Variants in NSD2 observed in about 807,000 individuals in gnomAD.
NSD2 encodes histone-lysine N-methyltransferase NSD2.
A neutral mutation model predicts 139.0 loss-of-function variants in NSD2; 12 were observed. The observed-to-expected ratio is 0.09, with a 90% CI of 0.06 to 0.14. NSD2 has a LOEUF of 0.14. Ranked by LOEUF, NSD2 falls within the 10% of genes least tolerant of loss-of-function variation. NSD2 has a pLI of 1.00. For missense variants in NSD2, 1,155 were observed against 1,745.0 expected (o/e 0.66, Z 6.02); for synonymous variants, 669 against 648.7 (o/e 1.03, Z -0.48).
chr4:1,978,837 C>A lies in NSD2; in HGVS notation c.4026C>A (p.Pro1342=), dbSNP rs147624398. The A allele has an allele frequency of 3.4e-5, 55 of 1,603,550 alleles. No homozygotes were observed. The highest frequency in any genetic ancestry group is 3.8e-5 in the Non-Finnish European group (44 of 1,172,450). ...SVRSTKTEKP[P]PEPGKPKGKR... ...GAAGCACCAAGACTGAGAAGCCCCC[C>A]CCAGAGCCAGGGAAGCCGAAGGGGA... Residue 1342 remains proline, a synonymous_variant, in exon 22 of 22, where the codon CCC becomes CCA. Coordinates refer to ENST00000508803, the MANE Select transcript of NSD2 (RefSeq NM_001042424.3).
At chr4:1,910,199 G>A (rs1476993807) in intron 3 of NSD2, among the ~76,000 whole-genome samples, 2 of 151,698 alleles carry the variant, frequency 1.3e-5, no homozygotes, top group Admixed American at 1.3e-4. Flanking sequence ...ATCTACCAGG[G>A]CACCTAGGTG....
In NSD2 at chr4:1,980,485, C is replaced by G; in HGVS notation, c.*1576C>G. 4.3e-6 allele frequency: 1 copy of G among 233,222 alleles called. No individual in the cohort carries two copies. The highest frequency in any genetic ancestry group is 2.2e-5 in the African/African-American group (1 of 45,462). 14.4% of individuals were successfully genotyped at this position (233,222 alleles called of 1,614,324 possible). ...AAGTTTACAGAACTCCCCTTGAAAA[C>G]TGCTGCTGAGGCTCCTGTTAAATTT... On this transcript the variant is annotated 3_prime_UTR_variant, in exon 22 of 22. Transcript: ENST00000508803.
chr4:1,895,948 A>AGGT (rs1716232611), intron 1 of NSD2, among the ~76,000 whole-genome samples: 1 of 152,212 alleles, frequency 6.6e-6, no homozygotes, highest in African/African-American at 2.4e-5. Context: ...CTGTGACCAC[A>AGGT]GACACTCACC....
At chr4:1,946,756 A>G in intron 9 of NSD2, 4 of 1,046,652 alleles carry the variant, frequency 3.8e-6, no homozygotes, top group Non-Finnish European at 4.6e-6. Context: ...TTTGTATTAT[A>G]TTCATCTGAT....
At position 1,972,209 on chromosome 4, in the gene NSD2, T is replaced by C. The variant is rs1726564427; in HGVS notation, c.3373-2654T>C. On this transcript the variant is annotated intron_variant, in intron 18 of 21. Coordinates refer to ENST00000508803, the MANE Select transcript of NSD2 (RefSeq NM_001042424.3). This position sits in a 1 kb window ranked among gnomAD's most constrained non-coding sequence, Gnocchi z 4.0. ...CAGAGCCACAAAGAGCATTGATGCG[T>C]GTATTGAATGGAGCAGGCTTCTGTG... Among the ~76,000 whole-genome samples, 4 of 151,988 alleles carry C rather than the reference T, an allele frequency of 2.6e-5. No individual in the cohort carries two copies. The highest frequency in any genetic ancestry group is 4.4e-5 in the Non-Finnish European group (3 of 68,002).
chr4:1,939,534 G>C lies in NSD2; in HGVS notation c.1757-120G>C, dbSNP rs548387504. On this transcript the variant is annotated intron_variant, in intron 8 of 21. Coordinates refer to ENST00000508803, the MANE Select transcript of NSD2 (RefSeq NM_001042424.3). ...TCCATGATAGAAAGTTAAGCCAGAA[G>C]GACAAAGGAATTCAGAAGATTCATC... The C allele has an allele frequency of 2.0e-5, 21 of 1,055,148 alleles. No homozygotes were observed. The South Asian group carries it at 2.9e-4, about 15-fold the overall frequency. The allele number at this position is 1,055,148 out of a possible 1,614,324, so 65.4% of individuals were successfully genotyped here. A position where few individuals can be genotyped will look rare whatever the true frequency, so the allele number is the denominator to read the frequency against.
At position 1,939,754 on chromosome 4, in the gene NSD2, T is replaced by C; in HGVS notation, c.1857T>C (p.Pro619=). 1 of 1,614,226 alleles carries C rather than the reference T, an allele frequency of 6.2e-7. No homozygotes were observed. Among genetic ancestry groups the C allele is most frequent in the Non-Finnish European group, 8.5e-7 (1 of 1,180,032 alleles). The stretch of plus-strand genomic sequence containing the variant: ...TTGGGTTTAGCAAAAGTTCATCTCC[T>C]TCTGCATCCTTAACTGAGAATGAGG... The part of the protein sequence containing the change: ...SALGFSKSSS[P]SASLTENEVS... Residue 619 remains proline, a synonymous_variant, in exon 9 of 22, where the codon CCT becomes CCC. Coordinates refer to ENST00000508803, the MANE Select transcript of NSD2 (RefSeq NM_001042424.3).
At chr4:1,969,177 G>A (rs1293616559) in intron 18 of NSD2, among the ~76,000 whole-genome samples, 2 of 152,218 alleles carry the variant, frequency 1.3e-5, no homozygotes, top group African/African-American at 2.4e-5. Flanking sequence ...GGCATGGGGA[G>A]CTCCTGGGAA....
At chr4:1,909,438 A>C (rs1718375139) in intron 3 of NSD2, among the ~76,000 whole-genome samples, 2 of 152,224 alleles carry the variant, frequency 1.3e-5, no homozygotes, top group South Asian at 4.1e-4. Flanking sequence ...CCTTGCTCCA[A>C]GTGGAGCTCT....
intron 18 of NSD2, among the ~76,000 whole-genome samples, chr4:1,966,211 A>G (rs993127829): frequency 6.6e-6 from 1 of 152,244 alleles, no homozygotes; most frequent in Non-Finnish European, 1.5e-5. Flanking sequence ...AATGGAGAGA[A>G]GTCTTGTAGG....
chr4:1,906,545 T>A (rs577436348), intron 3 of NSD2, among the ~76,000 whole-genome samples: 1 of 151,936 alleles, frequency 6.6e-6, no homozygotes, highest in East Asian at 1.9e-4. Flanking sequence ...GCAGCCCAAC[T>A]TATATATCAT....
intron 3 of NSD2, among the ~76,000 whole-genome samples, chr4:1,906,724 G>A (rs1483309432): frequency 7.1e-6 from 1 of 140,116 alleles, no homozygotes. Context: ...GCACTGGCGC[G>A]ATCTCAGCTC....
chr4:1,942,413 A>G lies in NSD2; in HGVS notation c.1881+2635A>G, dbSNP rs191529198. On this transcript the variant is annotated intron_variant, in intron 9 of 21. Transcript: ENST00000508803. The surrounding 1 kb of genome is among the most constrained non-coding windows in gnomAD (Gnocchi z 4.0). ...TGTACTGCACTTAGAATGATGTAAT[A>G]TTCCAGGATGCTGCTGCAGGTGGCG... 1 of 1,607,758 alleles carries G rather than the reference A, an allele frequency of 6.2e-7. No individual in the cohort carries two copies. The highest frequency in any genetic ancestry group is 2.2e-5 in the East Asian group (1 of 44,702).
chr4:1,979,383 A>T lies in NSD2; in HGVS notation c.*474A>T, dbSNP rs1403304372. 4.2e-6 allele frequency: 1 copy of T among 235,934 alleles called. No homozygotes were observed. The highest frequency in any genetic ancestry group is 8.3e-6 in the Non-Finnish European group (1 of 120,144). 14.6% of individuals were successfully genotyped at this position (235,934 alleles called of 1,614,324 possible). A position where few individuals can be genotyped will look rare whatever the true frequency, so the allele number is the denominator to read the frequency against. ...AGGCCCGTGTGAGGACTGACCCTGG[A>T]TTCCTCGAAACTGCCATTGTGATCA... On this transcript the variant is annotated 3_prime_UTR_variant, in exon 22 of 22. Coordinates refer to ENST00000508803, the MANE Select transcript of NSD2 (RefSeq NM_001042424.3).
intron 9 of NSD2, chr4:1,945,426 A>G: frequency 9.4e-7 from 1 of 1,064,384 alleles, no homozygotes; most frequent in Non-Finnish European, 1.1e-6. Flanking sequence ...GGCTGCCAGA[A>G]CAAGTGCTGG....
intron 9 of NSD2, chr4:1,947,933 G>A (rs866203436): frequency 4.7e-6 from 5 of 1,056,370 alleles, no homozygotes; most frequent in Non-Finnish European, 5.7e-6. Context: ...ATCTGACTGC[G>A]GCTCATACAG....
chr4:1,957,665 T>C (rs1055132780), intron 15 of NSD2, among the ~76,000 whole-genome samples: 6 of 152,078 alleles, frequency 3.9e-5, no homozygotes, highest in African/African-American at 7.2e-5. Context: ...TAGGCCATAG[T>C]GGAGGACAGG....
intron 10 of NSD2, among the ~76,000 whole-genome samples, chr4:1,951,445 CACACACACACACACACACACACA>C (rs1237341396): frequency 0.071 from 7,037 of 99,542 alleles, 912 homozygotes; most frequent in Non-Finnish European, 0.09. Flanking sequence ...TCATGTAATA[CACACACACACACACACACACACA>C]CACACACACA....
chr4:1,948,541 G>A lies in NSD2; in HGVS notation c.1882-2531G>A, dbSNP rs962553682. On this transcript the variant is annotated intron_variant, in intron 9 of 21. Transcript: ENST00000508803. The surrounding 1 kb of genome is among the most constrained non-coding windows in gnomAD (Gnocchi z 4.5). The stretch of plus-strand genomic sequence containing the variant: ...CCCGACTGTGGCTAGTTGTCTGTCC[G>A]GTGGCTGGGAGGGGGTGTGGTGGGA... 2.0e-5 allele frequency: 21 copies of A among 1,064,394 alleles called. No individual in the cohort carries two copies. The highest frequency in any genetic ancestry group is 2.0e-4 in the African/African-American group (12 of 60,864). The allele number at this position is 1,064,394 out of a possible 1,614,324, so 65.9% of individuals were successfully genotyped here.
Sources: gnomAD v4.1 joint callset for allele counts (sites outside exome capture counted in the v4.1 genomes callset) on GRCh38, gnomAD v4.1.1 for gene constraint, Gnocchi (gnomAD v3.1) non-coding constraint, MANE v1.5 for transcripts, NCBI Gene and HGNC (gene_info 2026-07-23, HGNC 2026-07-21) for gene names.